The following TLL1 variants were observed in gnomAD, a reference collection of about 807,000 sequenced individuals.
TLL1 encodes tolloid like 1.
TLL1 carries 49 observed loss-of-function variants against 128.2 expected under a neutral mutation model. That is an observed-to-expected ratio of 0.38 (90% CI 0.30 to 0.48). The LOEUF (loss-of-function observed/expected upper bound fraction) is 0.48, where lower values mean the gene tolerates loss of function less well. TLL1 is among the 20% of genes least tolerant of loss of function. The probability of loss-of-function intolerance (pLI) is 0.96; values close to 1 mark genes in which losing one functional copy is unlikely to be tolerated. For missense variants in TLL1, 1,123 were observed against 1,242.0 expected (o/e 0.90, Z 1.44); for synonymous variants, 454 against 418.8 (o/e 1.08, Z -1.03).
intron 13 of TLL1, among the ~76,000 whole-genome samples, chr4:166,056,296 G>A (rs763153591): frequency 3.2e-4 from 48 of 151,974 alleles, no homozygotes; most frequent in Non-Finnish European, 7.4e-5. Flanking sequence ...AATTTCTTCA[G>A]AGGATGTTTA....
chr4:166,044,781 G>C (rs2111096689), intron 12 of TLL1, among the ~76,000 whole-genome samples: 1 of 152,170 alleles, frequency 6.6e-6, no homozygotes, highest in East Asian at 1.9e-4. Context: ...TGTGTTTGCT[G>C]TTTTGTGATA....
intron 1 of TLL1, among the ~76,000 whole-genome samples, chr4:165,928,847 T>C (rs558086339): frequency 1.5e-4 from 23 of 152,344 alleles, no homozygotes; most frequent in Admixed American, 1.0e-3. Flanking sequence ...CTGGGACTTG[T>C]GATGCAGACA....
At chr4:166,074,790 G>A in intron 16 of TLL1, 88 bp from the exon 17 acceptor site, 1 of 1,504,412 alleles carries the variant, frequency 6.6e-7, no homozygotes, top group Non-Finnish European at 9.2e-7. Context: ...TTACCCTTTG[G>A]CAGTGTTAAC....
intron 17 of TLL1, among the ~76,000 whole-genome samples, chr4:166,075,386 G>T (rs2111137593): frequency 6.6e-6 from 1 of 152,236 alleles, no homozygotes; most frequent in Non-Finnish European, 1.5e-5. Flanking sequence ...TGTATATCTT[G>T]TGCATGTGCT....
intron 16 of TLL1, among the ~76,000 whole-genome samples, chr4:166,068,265 A>G (rs1024905384): frequency 1.4e-4 from 21 of 151,836 alleles, no homozygotes; most frequent in Non-Finnish European, 2.2e-4. Flanking sequence ...TGTATTATCA[A>G]GAGATGGCAG....
At chr4:165,931,035 T>A (rs1305142760) in intron 1 of TLL1, among the ~76,000 whole-genome samples, 1 of 152,210 alleles carries the variant, frequency 6.6e-6, no homozygotes, top group African/African-American at 2.4e-5. Flanking sequence ...TCAGCAACCA[T>A]TTAAAGTAGG....
chr4:165,894,877 GT>G (rs898430664), intron 1 of TLL1, among the ~76,000 whole-genome samples: 16 of 143,944 alleles, frequency 1.1e-4, no homozygotes, highest in African/African-American at 4.1e-4. Context: ...GTGTGTGTGT[GT>G]TATGTGTGTG....
In TLL1 at chr4:166,077,776, G is replaced by A. The variant is rs561877572; in HGVS notation, c.2315-127G>A. 3.9e-4 allele frequency: 485 copies of A among 1,248,552 alleles called. 5 individuals are homozygous for A. In the South Asian group the frequency reaches 5.8e-3, roughly 15 times the overall value. The allele number at this position is 1,248,552 out of a possible 1,614,324, so 77.3% of individuals were successfully genotyped here. On this transcript the variant is annotated intron_variant, in intron 17 of 20. Transcript: ENST00000061240. ...AGCAGATGAATATAATAACCGACAC[G>A]GGAGTGAAAATTAGCTGGTATTCAG... is the stretch of plus-strand genomic sequence containing the variant.
intron 1 of TLL1, among the ~76,000 whole-genome samples, chr4:165,909,552 A>T (rs1463273954): frequency 6.6e-6 from 1 of 152,168 alleles, no homozygotes; most frequent in African/African-American, 2.4e-5. Flanking sequence ...AGGAACCAGT[A>T]AGGAGCCCGA....
intron 17 of TLL1, among the ~76,000 whole-genome samples, chr4:166,077,038 T>G (rs535560937): frequency 1.5e-4 from 23 of 152,260 alleles, no homozygotes; most frequent in African/African-American, 5.5e-4. Context: ...CTCTGGAAAT[T>G]TTAGAAAGTT....
chr4:166,033,005 T>C (rs1267588305), intron 9 of TLL1, among the ~76,000 whole-genome samples: 1 of 152,148 alleles, frequency 6.6e-6, no homozygotes, highest in African/African-American at 2.4e-5. Flanking sequence ...TCTTATTCTT[T>C]ATCAGAGAAA....
intron 1 of TLL1, among the ~76,000 whole-genome samples, chr4:165,924,910 G>A (rs1173502345): frequency 1.3e-5 from 2 of 152,164 alleles, no homozygotes; most frequent in Non-Finnish European, 2.9e-5. Flanking sequence ...CTCTGCCTGT[G>A]TTCTGTATAT....
At chr4:166,006,246 A>T (rs1441861789) in intron 6 of TLL1, among the ~76,000 whole-genome samples, 4 of 151,796 alleles carry the variant, frequency 2.6e-5, no homozygotes, top group African/African-American at 9.7e-5. Flanking sequence ...TGCCATTTTT[A>T]AAATTGTCAA....
chr4:165,947,931 G>A (rs1321785889), intron 1 of TLL1, among the ~76,000 whole-genome samples: 1 of 152,136 alleles, frequency 6.6e-6, no homozygotes, highest in African/African-American at 2.4e-5. Context: ...AAATAAGGCT[G>A]TTTGAACCCT....
At chr4:166,043,198 T>C (rs1206788333) in intron 11 of TLL1, 76 bp from the exon 12 acceptor site, 21 of 1,595,760 alleles carry the variant, frequency 1.3e-5, no homozygotes, top group Non-Finnish European at 1.6e-5. Flanking sequence ...TGAACTTCAA[T>C]GTTACCCTAG....
At chr4:166,099,763 A>G (rs1013032010) in intron 20 of TLL1, among the ~76,000 whole-genome samples, 2 of 152,138 alleles carry the variant, frequency 1.3e-5, no homozygotes, top group African/African-American at 4.8e-5. Flanking sequence ...CAGTAGGTAT[A>G]ATTTCTTGTC....
chr4:166,007,557 T>C (rs1737495593), intron 6 of TLL1, among the ~76,000 whole-genome samples: 1 of 151,662 alleles, frequency 6.6e-6, no homozygotes, highest in African/African-American at 2.4e-5. Flanking sequence ...TTGTATGACC[T>C]GGAAAACCTA....
intron 12 of TLL1, among the ~76,000 whole-genome samples, chr4:166,043,907 C>G (rs1739347448): frequency 6.6e-6 from 1 of 151,320 alleles, no homozygotes; most frequent in Non-Finnish European, 1.5e-5. Flanking sequence ...TAAAAATATT[C>G]ATCAGGGAGA....
At chr4:165,947,866 G>A (rs1734331002) in intron 1 of TLL1, among the ~76,000 whole-genome samples, 1 of 152,116 alleles carries the variant, frequency 6.6e-6, no homozygotes, top group Non-Finnish European at 1.5e-5. Flanking sequence ...GTTGAGAATT[G>A]TATACCAGTA....
Sources: gnomAD v4.1 joint callset for allele counts (sites outside exome capture counted in the v4.1 genomes callset) on GRCh38, gnomAD v4.1.1 for gene constraint, MANE v1.5 for transcripts, NCBI Gene and HGNC (gene_info 2026-07-23, HGNC 2026-07-21) for gene names.